The following DEPDC5 variants were observed in gnomAD, a reference collection of about 807,000 sequenced individuals.
The protein encoded by DEPDC5 is GATOR1 complex protein DEPDC5.
DEPDC5 carries 73 observed loss-of-function variants against 217.3 expected under a neutral mutation model. The ratio of observed to expected loss-of-function variants is 0.34; its 90% CI spans 0.28 to 0.41. The LOEUF (loss-of-function observed/expected upper bound fraction) is 0.41. Among genes scored for constraint, DEPDC5 ranks in the 10% least tolerant of loss-of-function variants. The pLI is 1.00. For missense variants in DEPDC5, 1,675 were observed against 2,070.1 expected, an observed-to-expected ratio of 0.81 and a Z score of 3.70; for synonymous variants, 733 against 756.7, an observed-to-expected ratio of 0.97 and a Z score of 0.51.
chr22:31,770,232 C>CA (rs548291549), intron 7 of DEPDC5, among the ~76,000 whole-genome samples: 2,511 of 126,244 alleles, frequency 0.02, 42 homozygotes, highest in African/African-American at 0.049. Context: ...GAGACTGTCT[C>CA]AAAAAAAAAA....
At chr22:31,806,331 A>G in intron 18 of DEPDC5, 140 bp downstream of exon 18, 1 of 697,380 alleles carries the variant, frequency 1.4e-6, no homozygotes, top group Non-Finnish European at 2.4e-6. Flanking sequence ...CCAGCCAAGA[A>G]GGTAGATTTC....
chr22:31,880,791 G>T (rs551395187), intron 38 of DEPDC5, among the ~76,000 whole-genome samples: 1 of 152,198 alleles, frequency 6.6e-6, no homozygotes, highest in African/African-American at 2.4e-5. Flanking sequence ...TTGGGAGGCC[G>T]AGGCAGGCAG....
At chr22:31,893,964 T>A in intron 39 of DEPDC5, 3 of 473,234 alleles carry the variant, frequency 6.3e-6, no homozygotes, top group Non-Finnish European at 1.1e-5. Flanking sequence ...GCCTTAGCAG[T>A]ATTGACATCT....
At chr22:31,845,749 G>T (rs974621041) in intron 30 of DEPDC5, among the ~76,000 whole-genome samples, 23 of 147,132 alleles carry the variant, frequency 1.6e-4, no homozygotes, top group African/African-American at 5.9e-4. Flanking sequence ...TATAATTGAC[G>T]TGTGTGTGTG....
intron 31 of DEPDC5, chr22:31,853,319 T>C (rs1281567349): frequency 6.6e-6 from 1 of 151,838 alleles, no homozygotes; most frequent in Non-Finnish European, 1.5e-5. Context: ...GTGTGAAGGG[T>C]GAGATTCTCA....
chr22:31,854,675 G>A (rs1442127918), intron 31 of DEPDC5, among the ~76,000 whole-genome samples: 2 of 152,128 alleles, frequency 1.3e-5, no homozygotes, highest in Non-Finnish European at 2.9e-5. Flanking sequence ...AGAAGTGCAC[G>A]GTACCACTTA....
Position 31,821,588 on chromosome 22 carries a change from C to CA in DEPDC5, c.1958dup (p.His653GlnfsTer13), listed in dbSNP as rs1475605360. 4.3e-6 allele frequency: 7 copies of CA among 1,614,098 alleles called. No homozygotes were observed. Among genetic ancestry groups the CA allele is most frequent in the Non-Finnish European group, 5.9e-6 (7 of 1,180,032 alleles). The stretch of plus-strand genomic sequence containing the variant: ...AGGCAGCGGGCAGAGGGATCCAACT[C>CA]ACTCCTCTGCAGAGCTGCTGGAGTT... On this transcript the variant is annotated frameshift_variant, in exon 23 of 43. Coordinates refer to ENST00000651528, the MANE Select transcript of DEPDC5 (RefSeq NM_001242896.3). LOFTEE classifies it high-confidence loss of function.
At chr22:31,901,690 A>G in intron 40 of DEPDC5, 52 bp from the exon 41 acceptor site, 2 of 1,511,402 alleles carry the variant, frequency 1.3e-6, no homozygotes, top group Non-Finnish European at 1.8e-6. Flanking sequence ...GCCCAGAGAG[A>G]ATTACAAACC....
intron 6 of DEPDC5, among the ~76,000 whole-genome samples, chr22:31,767,222 C>T (rs1236382456): frequency 6.6e-6 from 1 of 151,878 alleles, no homozygotes; most frequent in East Asian, 1.9e-4. Context: ...CTTACTGTAA[C>T]CTCTGTCGTC....
Position 31,841,153 on chromosome 22 carries a change from A to G in DEPDC5, c.2516-1942A>G, listed in dbSNP as rs573734868. ...CTGTAGAAAGTGAGATTTGGTGCCC[A>G]AGATCACACAAGCTGGCAAGTGAAA... On this transcript the variant is annotated intron_variant, in intron 27 of 42. Transcript: ENST00000651528. Among the ~76,000 whole-genome samples the G allele has an allele frequency of 3.2e-4, 48 of 152,360 alleles. No homozygotes were observed. The South Asian group carries it at 9.9e-3, about 32-fold the overall frequency.
chr22:31,801,275 G>A (rs1031811441), intron 14 of DEPDC5, among the ~76,000 whole-genome samples: 1 of 152,104 alleles, frequency 6.6e-6, no homozygotes, highest in African/African-American at 2.4e-5. Context: ...CAGCCTGGGT[G>A]ATGGAGTTAG....
chr22:31,813,265 C>G (rs1398751522), intron 20 of DEPDC5, among the ~76,000 whole-genome samples: 3 of 152,070 alleles, frequency 2.0e-5, no homozygotes, highest in Non-Finnish European at 4.4e-5. Context: ...AGGGGCTTTT[C>G]TTTGTAGTCT....
chr22:31,821,961 G>A (rs1013725734), intron 23 of DEPDC5, among the ~76,000 whole-genome samples: 1 of 152,206 alleles, frequency 6.6e-6, no homozygotes, highest in Non-Finnish European at 1.5e-5. Context: ...TTTGGATTTG[G>A]AATGCTGAGA....
intron 7 of DEPDC5, among the ~76,000 whole-genome samples, chr22:31,775,599 C>A (rs868207448): frequency 1.3e-5 from 2 of 152,150 alleles, no homozygotes; most frequent in South Asian, 2.1e-4. Context: ...ACACGGTGCT[C>A]AGCTAATAGC....
intron 9 of DEPDC5, chr22:31,784,379 A>G (rs1227844054): frequency 5.2e-6 from 1 of 192,672 alleles, no homozygotes; most frequent in Admixed American, 5.8e-5. Context: ...CTGTAATCCT[A>G]GCACTTTGGG....
Position 31,845,192 on chromosome 22 carries a change from C to T in DEPDC5, c.2976C>T (p.Gly992=), listed in dbSNP as rs2091653337. 1.2e-6 allele frequency: 2 copies of T among 1,614,072 alleles called. No homozygotes were observed. The highest frequency in any genetic ancestry group is 1.3e-5 in the African/African-American group (1 of 74,950). Residue 992 remains glycine (G), a synonymous_variant, in exon 30 of 43, where the codon GGC becomes GGT. Transcript: ENST00000651528. Reference sequence around the variant, plus strand: ...ATGGTTTTGTCCGCTTTGTGGAGGGCTTGAATCGCATTCGCAGGCGGCATC... The same window carrying T: ...ATGGTTTTGTCCGCTTTGTGGAGGGTTTGAATCGCATTCGCAGGCGGCATC... The part of the protein sequence containing the change: ...LLDGFVRFVE[G]LNRIRRRHRS...
intron 8 of DEPDC5, among the ~76,000 whole-genome samples, chr22:31,782,687 G>A (rs148477739): frequency 2.6e-5 from 4 of 152,258 alleles, no homozygotes; most frequent in Non-Finnish European, 4.4e-5. Flanking sequence ...TTCTGTCTCC[G>A]TAATGAGATT....
chr22:31,859,090 T>TG (rs2092415240), intron 32 of DEPDC5: 2 of 134,576 alleles, frequency 1.5e-5, no homozygotes, highest in South Asian at 2.6e-4. Flanking sequence ...TTTTTTTTTT[T>TG]TTTTTTTTTT....
chr22:31,845,206 G>A lies in DEPDC5; in HGVS notation c.2990G>A (p.Arg997His), dbSNP rs1569088819. The change falls in exon 30 of 43, where the codon CGC becomes CAC. Residue 997 changes from arginine (R) to histidine (H), a missense_variant. Around this residue, in one of 11 missense-constraint regions of DEPDC5, gnomAD observed 293 missense variants for 386.1 expected, o/e 0.76. Transcript: ENST00000651528. ...TTTGTGGAGGGCTTGAATCGCATTC[G>A]CAGGCGGCATCGCTCGGATCGCATG... ...VRFVEGLNRI[R>H]RRHRSDRMMR... 6.2e-7 allele frequency: 1 copy of A among 1,614,138 alleles called. No individual in the cohort carries two copies. The highest frequency in any genetic ancestry group is 1.1e-5 in the South Asian group (1 of 91,080).
Sources: gnomAD v4.1 joint callset for allele counts (sites outside exome capture counted in the v4.1 genomes callset) on GRCh38, gnomAD v4.1.1 for gene constraint, gnomAD v4.1.1 regional missense constraint, MANE v1.5 for transcripts, NCBI Gene and HGNC (gene_info 2026-07-23, HGNC 2026-07-21) for gene names.